The following PMF1 variants were observed in gnomAD, a reference collection of about 807,000 sequenced individuals.
The protein encoded by PMF1 is polyamine-modulated factor 1.
In PMF1, 21 loss-of-function variants were observed where a neutral mutation model predicts 26.7. The observed-to-expected ratio is 0.79, with a 90% CI of 0.56 to 1.13. The LOEUF (loss-of-function observed/expected upper bound fraction) is 1.13. PMF1 is among the 50% of genes most tolerant of loss of function. The probability of loss-of-function intolerance (pLI) is 0.00; values close to 1 mark genes in which losing one functional copy is unlikely to be tolerated. For missense variants in PMF1, 266 were observed against 254.9 expected (o/e 1.04, Z -0.30); for synonymous variants, 105 against 101.0 (o/e 1.04, Z -0.24).
At chr1:156,222,629 G>A (rs532553574) in intron 1 of PMF1, among the ~76,000 whole-genome samples, 4 of 152,116 alleles carry the variant, frequency 2.6e-5, no homozygotes, top group African/African-American at 4.8e-5. Flanking sequence ...TGATCTGCCC[G>A]CCTCGGCCTC....
chr1:156,236,366 G>A lies in PMF1; in HGVS notation c.447G>A (p.Arg149=). 2 of 1,614,234 alleles carry A rather than the reference G, an allele frequency of 1.2e-6. No individual in the cohort carries two copies. The highest frequency in any genetic ancestry group is 1.3e-5 in the African/African-American group (1 of 75,056). Reference sequence around the variant, plus strand: ...TCCTGCAGCAACGGGACACCCTGCGGCGCCATGTGCAGAAACAGGAGGCCG... The same window carrying A: ...TCCTGCAGCAACGGGACACCCTGCGACGCCATGTGCAGAAACAGGAGGCCG... ...PYFLQQRDTL[R]RHVQKQEAEN... The change falls in exon 4 of 5, where the codon CGG becomes CGA. Residue 149 remains arginine, a synonymous_variant. Coordinates refer to ENST00000368277, the MANE Select transcript of PMF1 (RefSeq NM_007221.4).
intron 1 of PMF1, among the ~76,000 whole-genome samples, chr1:156,217,886 G>A (rs1235849817): frequency 1.3e-5 from 2 of 152,194 alleles, no homozygotes; most frequent in Admixed American, 6.5e-5. Flanking sequence ...GAATATCCTT[G>A]TACATTTCCA....
chr1:156,233,608 C>G lies in PMF1; in HGVS notation c.268-20C>G, dbSNP rs114225278. The G allele has an allele frequency of 0.017, 26,669 of 1,611,614 alleles. 288 individuals carry two copies. The highest frequency in any genetic ancestry group is 0.021 in the Middle Eastern group (126 of 6,056). On this transcript the variant is annotated intron_variant, in intron 2 of 4. Coordinates refer to ENST00000368277, the MANE Select transcript of PMF1 (RefSeq NM_007221.4). Reference sequence around the variant, plus strand: ...GAGCTCATCTCGTGTCATTACAGCTCTTTCCTCCTTTCTCTTCAGGAGGAA... The same window carrying G: ...GAGCTCATCTCGTGTCATTACAGCTGTTTCCTCCTTTCTCTTCAGGAGGAA...
chr1:156,213,203 GTGTT>G (rs1160196839), intron 1 of PMF1, 27 bp downstream of exon 1: 2 of 1,606,448 alleles, frequency 1.2e-6, no homozygotes, highest in Non-Finnish European at 1.7e-6. Context: ...CGCGGTGGGA[GTGTT>G]TGTTGGCACC....
At chr1:156,233,797 C>G in intron 3 of PMF1, 69 bp downstream of exon 3, 1 of 1,121,758 alleles carries the variant, frequency 8.9e-7, no homozygotes, top group Non-Finnish European at 1.2e-6. Context: ...TTTTTTTTTT[C>G]TAGAGTCAGG....
At position 156,219,798 on chromosome 1, in the gene PMF1, G is replaced by A. The variant is rs986998340; in HGVS notation, c.161+6622G>A. 4.6e-5 allele frequency among the ~76,000 whole-genome samples: 7 copies of A among 151,988 alleles called. No homozygotes were observed. The South Asian group carries it at 1.0e-3, about 23-fold the overall frequency. On this transcript the variant is annotated intron_variant, in intron 1 of 4. Coordinates refer to ENST00000368277, the MANE Select transcript of PMF1 (RefSeq NM_007221.4). ...AGGGTCATGCTCTGTCGCCCAGACCGGAGTGCAGTGGCATGATCACAGCTC... is the reference window on the plus strand; with the variant it reads ...AGGGTCATGCTCTGTCGCCCAGACCAGAGTGCAGTGGCATGATCACAGCTC...
Position 156,225,478 on chromosome 1 carries a change from G to C in PMF1, c.162-6842G>C, listed in dbSNP as rs189722233. ...CCACCCTTTCCCCACAGTTGGCAAA[G>C]TCCATTGTACCATTCTTCTGCCCTT... is the stretch of plus-strand genomic sequence containing the variant. On this transcript the variant is annotated intron_variant, in intron 1 of 4. Transcript: ENST00000368277. The C allele has an allele frequency of 5.8e-3, 4,367 of 757,572 alleles. 22 individuals are homozygous for C. Among genetic ancestry groups the C allele is most frequent in the Non-Finnish European group, 8.3e-3 (3,667 of 440,710 alleles). 46.9% of individuals were successfully genotyped at this position (757,572 alleles called of 1,614,324 possible).
At chr1:156,216,161 C>T (rs968642047) in intron 1 of PMF1, among the ~76,000 whole-genome samples, 2 of 151,348 alleles carry the variant, frequency 1.3e-5, no homozygotes, top group African/African-American at 4.8e-5. Flanking sequence ...GAGGCAGAGG[C>T]GGGTGGATCA....
chr1:156,223,169 G>T (rs577289280), intron 1 of PMF1, among the ~76,000 whole-genome samples: 1 of 152,302 alleles, frequency 6.6e-6, no homozygotes, highest in East Asian at 1.9e-4. Context: ...TCCAGGCCTG[G>T]CATGCTCATA....
intron 1 of PMF1, among the ~76,000 whole-genome samples, chr1:156,227,325 G>A (rs369464921): frequency 1.3e-5 from 2 of 151,894 alleles, no homozygotes; most frequent in Non-Finnish European, 1.5e-5. Context: ...CCAACATGGT[G>A]AAACCCTGTC....
intron 4 of PMF1, among the ~76,000 whole-genome samples, chr1:156,238,436 C>A (rs1659162522): frequency 6.6e-6 from 1 of 152,208 alleles, no homozygotes; most frequent in Non-Finnish European, 1.5e-5. Flanking sequence ...GATGATCAAG[C>A]TGAATGACAC....
chr1:156,222,882 C>T (rs569167322), intron 1 of PMF1, among the ~76,000 whole-genome samples: 16 of 152,250 alleles, frequency 1.1e-4, no homozygotes, highest in Admixed American at 9.2e-4. Context: ...TGGGATATGC[C>T]GCACAGGGTA....
chr1:156,229,731 C>T (rs751719987), intron 1 of PMF1, among the ~76,000 whole-genome samples: 18 of 151,934 alleles, frequency 1.2e-4, no homozygotes, highest in Admixed American at 6.6e-5. Context: ...TCACCACGCC[C>T]GGCTAATTTT....
intron 1 of PMF1, among the ~76,000 whole-genome samples, chr1:156,221,066 C>T (rs1216815071): frequency 6.6e-6 from 1 of 152,158 alleles, no homozygotes; most frequent in Non-Finnish European, 1.5e-5. Context: ...ATTCTCTGCC[C>T]CTTTACCTGA....
Position 156,236,864 on chromosome 1 carries a change from C to T in PMF1, c.564+381C>T, listed in dbSNP as rs549225594. ...AACATAGATATATATATTCTAAACC[C>T]GGTATATGGTAGGGGGATGGGAAGA... On this transcript the variant is annotated intron_variant, in intron 4 of 4. Coordinates refer to ENST00000368277, the MANE Select transcript of PMF1 (RefSeq NM_007221.4). 188 of 223,990 alleles carry T rather than the reference C, an allele frequency of 8.4e-4. 1 individual carries two copies. The highest frequency in any genetic ancestry group is 2.8e-3 in the East Asian group (30 of 10,792). The allele number at this position is 223,990 out of a possible 1,614,324, so 13.9% of individuals were successfully genotyped here.
intron 1 of PMF1, among the ~76,000 whole-genome samples, chr1:156,229,871 G>A (rs909695942): frequency 6.6e-6 from 1 of 152,130 alleles, no homozygotes; most frequent in African/African-American, 2.4e-5. Flanking sequence ...CTGCGCCCAG[G>A]ACCTTTGCTT....
chr1:156,216,229 A>G (rs1657690606), intron 1 of PMF1, among the ~76,000 whole-genome samples: 1 of 151,994 alleles, frequency 6.6e-6, no homozygotes, highest in Non-Finnish European at 1.5e-5. Context: ...CATCTCTACT[A>G]CAAATATAAA....
At chr1:156,239,524 T>G in intron 4 of PMF1, 24 bp from the exon 5 acceptor site, 1 of 1,607,776 alleles carries the variant, frequency 6.2e-7, no homozygotes, top group Non-Finnish European at 8.5e-7. Context: ...TCCCAGTTTG[T>G]CTGTTGTCTC....
rs995213927 is a variant in PMF1, at chr1:156,214,629, G to A, written c.161+1453G>A. On this transcript the variant is annotated intron_variant, in intron 1 of 4. Coordinates refer to ENST00000368277, the MANE Select transcript of PMF1 (RefSeq NM_007221.4). ...ACAGTGACTCATGCCTGTAATCCCCGTGCTTTGGGAGGCTGAGGCAGGAGG... is the reference window on the plus strand; with the variant it reads ...ACAGTGACTCATGCCTGTAATCCCCATGCTTTGGGAGGCTGAGGCAGGAGG... 3.3e-5 allele frequency among the ~76,000 whole-genome samples: 5 copies of A among 151,910 alleles called. No homozygotes were observed. The South Asian group carries it at 6.2e-4, about 19-fold the overall frequency.
Sources: gnomAD v4.1 joint callset for allele counts (sites outside exome capture counted in the v4.1 genomes callset) on GRCh38, gnomAD v4.1.1 for gene constraint, MANE v1.5 for transcripts, NCBI Gene and HGNC (gene_info 2026-07-23, HGNC 2026-07-21) for gene names.